PRMT3: variants seen among roughly 807,000 people sequenced by gnomAD.
The protein encoded by PRMT3 is protein arginine methyltransferase 3.
Under a neutral mutation model 71.9 loss-of-function variants are expected in PRMT3, and 62 were observed. The ratio of observed to expected loss-of-function variants is 0.86; its 90% confidence interval spans 0.70 to 1.07. PRMT3 has a LOEUF of 1.07. PRMT3 is among the 50% of genes least tolerant of loss of function. The pLI, the probability that PRMT3 is intolerant of heterozygous loss-of-function variation, is 0.00. For missense variants in PRMT3, 663 were observed against 643.0 expected (o/e 1.03, Z -0.34); for synonymous variants, 213 against 220.4 (o/e 0.97, Z 0.30).
chr11:20,441,788 G>GTGTT (rs1491118858), intron 10 of PRMT3, among the ~76,000 whole-genome samples: 4 of 118,502 alleles, frequency 3.4e-5, no homozygotes, highest in Non-Finnish European at 5.2e-5. Flanking sequence ...ATAGTTTCAG[G>GTGTT]TTTTTTTTTT....
intron 13 of PRMT3, among the ~76,000 whole-genome samples, chr11:20,493,209 T>C (rs1276338386): frequency 6.6e-6 from 1 of 152,094 alleles, no homozygotes; most frequent in Non-Finnish European, 1.5e-5. Flanking sequence ...AGTACTTGCT[T>C]AAACATAAGA....
intron 10 of PRMT3, among the ~76,000 whole-genome samples, chr11:20,432,612 T>C (rs1321477844): frequency 3.3e-5 from 5 of 152,180 alleles, no homozygotes; most frequent in Admixed American, 1.3e-4. Flanking sequence ...AATAGTTCTA[T>C]TTTTAGTTTT....
intron 15 of PRMT3, among the ~76,000 whole-genome samples, chr11:20,502,897 G>A (rs984404015): frequency 5.9e-5 from 9 of 152,088 alleles, no homozygotes; most frequent in Admixed American, 2.6e-4. Flanking sequence ...TAAATAAATA[G>A]TACTTATCTC....
rs946305377 is a variant in PRMT3 at position 20,493,920 on chromosome 11, C to A, written c.1349C>A (p.Ala450Glu). The A allele has an allele frequency of 2.7e-5, 42 of 1,577,912 alleles. No individual in the cohort carries two copies. Among genetic ancestry groups the A allele is most frequent in the Non-Finnish European group, 3.5e-5 (40 of 1,154,554 alleles). ...LKITRTSMCT[A>E]IAGYFDIYFE... The stretch of plus-strand genomic sequence containing the variant: ...TATATTTCTTTTTTTAAAAAACAGG[C>A]AATTGCTGGCTACTTTGATATATAT... Residue 450 changes from alanine (A) to glutamate (E), a missense_variant and splice_region_variant, in exon 14 of 16, where the codon GCA (alanine) becomes GAA (glutamate). Coordinates refer to ENST00000331079, the MANE Select transcript of PRMT3 (RefSeq NM_005788.4).
intron 9 of PRMT3, 63 bp from the exon 10 acceptor site, chr11:20,426,703 A>G: frequency 2.2e-6 from 3 of 1,336,220 alleles, no homozygotes; most frequent in Non-Finnish European, 2.9e-6. Flanking sequence ...GCAAAAAATT[A>G]TGTAATTTAA....
At chr11:20,459,720 C>A (rs1850340755) in intron 11 of PRMT3, among the ~76,000 whole-genome samples, 2 of 152,194 alleles carry the variant, frequency 1.3e-5, no homozygotes, top group African/African-American at 4.8e-5. Flanking sequence ...AGAAAGTTAG[C>A]CACATACCTA....
intron 13 of PRMT3, among the ~76,000 whole-genome samples, chr11:20,488,507 C>G (rs1267128261): frequency 6.6e-6 from 1 of 151,502 alleles, no homozygotes. Context: ...TACAAGCACT[C>G]TATCTCCATG....
chr11:20,395,785 G>A lies in PRMT3; in HGVS notation c.401-18G>A, dbSNP rs1848811670. On this transcript the variant is annotated intron_variant, in intron 5 of 15. Transcript: ENST00000331079. The stretch of plus-strand genomic sequence containing the variant: ...TGTTATAAGATGGCCTGATAATAAT[G>A]TCCATTTATTTCTTTAGATGTAGAA... 1 of 1,601,906 alleles carries A rather than the reference G, an allele frequency of 6.2e-7. No homozygotes were observed. The highest frequency in any genetic ancestry group is 1.7e-5 in the Admixed American group (1 of 58,294).
At chr11:20,396,862 TA>T (rs1233440506) in intron 6 of PRMT3, among the ~76,000 whole-genome samples, 1 of 152,200 alleles carries the variant, frequency 6.6e-6, no homozygotes, top group African/African-American at 2.4e-5. Context: ...CTGACAAGTA[TA>T]CCTCACAGGC....
chr11:20,482,069 A>G (rs544412759), intron 13 of PRMT3, among the ~76,000 whole-genome samples: 87 of 152,232 alleles, frequency 5.7e-4, no homozygotes, highest in African/African-American at 1.9e-3. Flanking sequence ...AGAGAATGCA[A>G]AAGTCCACAA....
At chr11:20,426,902 A>G in intron 10 of PRMT3, 37 bp downstream of exon 10, 9 of 1,493,078 alleles carry the variant, frequency 6.0e-6, no homozygotes, top group Non-Finnish European at 8.0e-6. Context: ...TCACTGGTAA[A>G]ATGAAAAAAC....
rs1473824368 is a variant in PRMT3 at position 20,403,004 on chromosome 11, G to A, written c.771+20G>A. The A allele has an allele frequency of 4.6e-6, 7 of 1,515,146 alleles. No homozygotes were observed. In the East Asian group the frequency reaches 1.6e-4, roughly 34 times the overall value. 93.9% of individuals were successfully genotyped at this position (1,515,146 alleles called of 1,614,324 possible). ...GACAAGGTAAGTAGTATAGGTTATAGAATTATACATTTCATCTTGTTCTTG... is the reference window on the plus strand; with the variant it reads ...GACAAGGTAAGTAGTATAGGTTATAAAATTATACATTTCATCTTGTTCTTG... On this transcript the variant is annotated intron_variant, in intron 8 of 15. Coordinates refer to ENST00000331079, the MANE Select transcript of PRMT3 (RefSeq NM_005788.4).
intron 13 of PRMT3, among the ~76,000 whole-genome samples, chr11:20,492,838 C>T (rs770784063): frequency 2.0e-4 from 31 of 152,152 alleles, no homozygotes; most frequent in Non-Finnish European, 4.0e-4. Context: ...GTGGGTGAGT[C>T]GCAAGGTCAG....
intron 9 of PRMT3, among the ~76,000 whole-genome samples, chr11:20,409,241 A>G (rs1849139700): frequency 6.6e-6 from 1 of 152,192 alleles, no homozygotes; most frequent in African/African-American, 2.4e-5. Context: ...AACAAGTTTG[A>G]ATCAAGCTTG....
chr11:20,443,085 A>G (rs900547211), intron 10 of PRMT3, among the ~76,000 whole-genome samples: 3 of 152,190 alleles, frequency 2.0e-5, no homozygotes, highest in African/African-American at 4.8e-5. Flanking sequence ...CTTACCAACA[A>G]TGGAATGAGA....
intron 15 of PRMT3, among the ~76,000 whole-genome samples, 169 bp from the exon 16 acceptor site, chr11:20,508,135 G>C (rs1332941890): frequency 6.3e-5 from 8 of 127,320 alleles, no homozygotes; most frequent in African/African-American, 1.2e-4. Context: ...GGGTGACAGA[G>C]TGAGACTCCA....
At chr11:20,421,947 T>A (rs902862226) in intron 9 of PRMT3, among the ~76,000 whole-genome samples, 8 of 152,214 alleles carry the variant, frequency 5.3e-5, no homozygotes, top group African/African-American at 1.7e-4. Flanking sequence ...ATAAAGCCTA[T>A]CTAAGTTCAG....
intron 13 of PRMT3, among the ~76,000 whole-genome samples, chr11:20,485,558 G>T (rs1384753877): frequency 3.3e-5 from 5 of 152,068 alleles, no homozygotes; most frequent in African/African-American, 1.2e-4. Context: ...AATTAAATAT[G>T]ATTTGAACAG....
At chr11:20,389,064 C>T (rs560125702) in intron 2 of PRMT3, among the ~76,000 whole-genome samples, 2 of 152,214 alleles carry the variant, frequency 1.3e-5, no homozygotes, top group African/African-American at 4.8e-5. Flanking sequence ...TGATAGCCTC[C>T]ATAAATAGTC....
Sources: allele counts gnomAD v4.1 joint callset (sites outside exome capture counted in the v4.1 genomes callset), GRCh38; gene constraint gnomAD v4.1.1; transcripts MANE v1.5; gene names NCBI Gene and HGNC (gene_info 2026-07-23, HGNC 2026-07-21).